CAMK2D: variants seen among roughly 807,000 people sequenced by gnomAD.
The protein encoded by CAMK2D is calcium/calmodulin-dependent protein kinase type II subunit delta.
A neutral mutation model predicts 84.0 loss-of-function variants in CAMK2D; 37 were observed. The ratio of observed to expected loss-of-function variants is 0.44; its 90% confidence interval spans 0.34 to 0.58. CAMK2D has a LOEUF of 0.58. CAMK2D is among the 20% of genes least tolerant of loss of function. CAMK2D has a pLI of 0.02. For missense variants in CAMK2D, 448 were observed against 652.5 expected (o/e 0.69, Z 3.41); for synonymous variants, 202 against 212.5 (o/e 0.95, Z 0.43).
rs189112926 is a variant in CAMK2D at position 113,503,854 on chromosome 4, G to C, written c.1045-877C>G. Among the ~76,000 whole-genome samples the C allele has an allele frequency of 2.6e-3, 392 of 152,250 alleles. 1 individual carries two copies. Among genetic ancestry groups the C allele is most frequent in the Middle Eastern group, 0.01 (3 of 294 alleles). On this transcript the variant is annotated intron_variant, in intron 14 of 20. Transcript: ENST00000511664. ...ATATGCATACATCAGTGACATGCTT[G>C]GCACTTTCATTGTGTGATATCTTGG... is the stretch of plus-strand genomic sequence containing the variant.
At chr4:113,594,077 A>G (rs913394661) in intron 4 of CAMK2D, among the ~76,000 whole-genome samples, 4 of 152,204 alleles carry the variant, frequency 2.6e-5, no homozygotes, top group African/African-American at 9.6e-5. Flanking sequence ...GCTTTTACTC[A>G]TGGCAGAAAG....
At chr4:113,493,476 T>C (rs866279903) in intron 16 of CAMK2D, among the ~76,000 whole-genome samples, 79 of 152,312 alleles carry the variant, frequency 5.2e-4, no homozygotes, top group African/African-American at 1.9e-3. Flanking sequence ...TGGCCCCTAC[T>C]CTCTTCTGGC....
intron 8 of CAMK2D, among the ~76,000 whole-genome samples, chr4:113,520,350 G>C (rs1046108965): frequency 1.3e-5 from 2 of 152,116 alleles, no homozygotes; most frequent in Non-Finnish European, 2.9e-5. Flanking sequence ...GGAGGTTGCA[G>C]TGAGCCAAGG....
intron 2 of CAMK2D, among the ~76,000 whole-genome samples, chr4:113,735,288 GGAAAAAAAAAAAAAAAAA>G (rs983955128): frequency 8.5e-5 from 5 of 58,958 alleles, no homozygotes; most frequent in African/African-American, 2.3e-4. Context: ...CATCTCTACA[GGAAAAAAAAAAAAAAAAA>G]AAAAAAAAAA....
chr4:113,612,730 A>G (rs1320848186), intron 3 of CAMK2D, among the ~76,000 whole-genome samples: 3 of 152,200 alleles, frequency 2.0e-5, no homozygotes, highest in Admixed American at 6.6e-5. Flanking sequence ...TACGTGTATG[A>G]ATAAATGAAT....
rs552500146 is a variant in CAMK2D, at chr4:113,607,431, T to A, written c.275+1721A>T. Among the ~76,000 whole-genome samples, 149 of 152,258 alleles carry A rather than the reference T, an allele frequency of 9.8e-4. 1 individual carries two copies. The highest frequency in any genetic ancestry group is 2.4e-3 in the Admixed American group (37 of 15,302). On this transcript the variant is annotated intron_variant, in intron 4 of 20. Transcript: ENST00000511664. ...TGAGCCCAAGCCTGCAGGTACGCATTAAGATGGTCTGGAGCAACTGAGGAA... is the reference window on the plus strand; with the variant it reads ...TGAGCCCAAGCCTGCAGGTACGCATAAAGATGGTCTGGAGCAACTGAGGAA...
chr4:113,496,446 C>CTTTTT (rs543371495), intron 16 of CAMK2D, among the ~76,000 whole-genome samples: 3 of 120,696 alleles, frequency 2.5e-5, no homozygotes, highest in Non-Finnish European at 1.7e-5. Context: ...CTCCCATTTG[C>CTTTTT]TTTTTTTTTT....
chr4:113,569,195 C>T (rs1476092393), intron 4 of CAMK2D, among the ~76,000 whole-genome samples: 1 of 152,022 alleles, frequency 6.6e-6, no homozygotes, highest in South Asian at 2.1e-4. Flanking sequence ...TATTTTTACT[C>T]TCTTGATTGT....
intron 3 of CAMK2D, among the ~76,000 whole-genome samples, chr4:113,645,284 G>A (rs2099147375): frequency 6.6e-6 from 1 of 152,138 alleles, no homozygotes; most frequent in Admixed American, 6.5e-5. Context: ...CAAAAGTGCT[G>A]GGATTTTAGG....
intron 2 of CAMK2D, among the ~76,000 whole-genome samples, chr4:113,729,106 G>T (rs1478404964): frequency 6.6e-6 from 1 of 152,110 alleles, no homozygotes; most frequent in Non-Finnish European, 1.5e-5. Flanking sequence ...AATAACAGTG[G>T]ATTATATATT....
intron 4 of CAMK2D, among the ~76,000 whole-genome samples, chr4:113,606,564 C>A (rs540753904): frequency 6.0e-5 from 9 of 151,026 alleles, no homozygotes; most frequent in African/African-American, 2.2e-4. Flanking sequence ...TAATAAATTA[C>A]CCAAACTAAA....
At chr4:113,715,307 G>C (rs1242436926) in intron 2 of CAMK2D, among the ~76,000 whole-genome samples, 1 of 151,928 alleles carries the variant, frequency 6.6e-6, no homozygotes, top group Admixed American at 6.6e-5. Flanking sequence ...TTTTAACAGT[G>C]AGCATTCTTC....
At chr4:113,482,408 G>T (rs1034477515) in intron 16 of CAMK2D, among the ~76,000 whole-genome samples, 1 of 152,070 alleles carries the variant, frequency 6.6e-6, no homozygotes, top group African/African-American at 2.4e-5. Flanking sequence ...TGATGATGAA[G>T]GTGTGTTAAA....
chr4:113,593,380 G>A (rs1376432799), intron 4 of CAMK2D, among the ~76,000 whole-genome samples: 1 of 152,162 alleles, frequency 6.6e-6, no homozygotes. Flanking sequence ...CAATTTATCA[G>A]AGCAGAAATC....
At chr4:113,465,751 A>T in intron 16 of CAMK2D, 147 bp from the exon 17 acceptor site, 1 of 600,134 alleles carries the variant, frequency 1.7e-6, no homozygotes, top group Non-Finnish European at 3.0e-6. Context: ...TACAGCCTTG[A>T]CCTCCTGGGC....
chr4:113,716,739 T>C (rs2148546903), intron 2 of CAMK2D, among the ~76,000 whole-genome samples: 1 of 150,650 alleles, frequency 6.6e-6, no homozygotes, highest in African/African-American at 2.4e-5. Context: ...TTAATAAAAT[T>C]ACTGCATAAA....
At chr4:113,592,789 T>C (rs1345087842) in intron 4 of CAMK2D, among the ~76,000 whole-genome samples, 2 of 152,214 alleles carry the variant, frequency 1.3e-5, no homozygotes, top group East Asian at 3.8e-4. Flanking sequence ...TTATTATGCC[T>C]TGCTTGTATT....
rs767787596 is a variant in CAMK2D at position 113,453,559 on chromosome 4, A to G, written c.*986T>C. On this transcript the variant is annotated 3_prime_UTR_variant, in exon 21 of 21. Transcript: ENST00000511664. ...AATTATAAACCTTTAAAATCTTGAC[A>G]ACATTTTTGTGGGCCCTGAAGATGA... The G allele has an allele frequency of 2.0e-5, 3 of 152,168 alleles. No individual in the cohort carries two copies. The highest frequency in any genetic ancestry group is 4.4e-5 in the Non-Finnish European group (3 of 68,030). The allele number at this position is 152,168 out of a possible 1,614,324, so 9.4% of individuals were successfully genotyped here.
intron 2 of CAMK2D, among the ~76,000 whole-genome samples, chr4:113,675,939 G>C (rs767476800): frequency 1.3e-5 from 2 of 152,166 alleles, no homozygotes; most frequent in African/African-American, 2.4e-5. Flanking sequence ...ATGCAAGCCA[G>C]ATGAGGAAAC....
Sources: allele counts gnomAD v4.1 joint callset (sites outside exome capture counted in the v4.1 genomes callset), GRCh38; gene constraint gnomAD v4.1.1; transcripts MANE v1.5; gene names NCBI Gene and HGNC (gene_info 2026-07-23, HGNC 2026-07-21).